The following NBPF8 variants were observed in gnomAD, a reference collection of about 807,000 sequenced individuals.
NBPF8 encodes the protein NBPF member 8.
At chr1:120,459,723 C>A (rs1661521696) in intron 17 of NBPF8, among the ~76,000 whole-genome samples, 193 bp downstream of exon 15, 1 of 152,108 alleles carries the variant, frequency 6.6e-6, no homozygotes, top group African/African-American at 2.4e-5. Flanking sequence ...GTGAGCTTTG[C>A]TCTCTTCCTA....
intron 20 of NBPF8, among the ~76,000 whole-genome samples, chr1:120,462,534 C>T (rs1455009747): frequency 9.0e-6 from 1 of 111,060 alleles, no homozygotes; most frequent in Non-Finnish European, 1.8e-5. Context: ...TCCTTTGACC[C>T]CTTCATCAGT....
chr1:120,417,687 A>C (rs1570921419), upstream of NBPF8, among the ~76,000 whole-genome samples: 1 of 89,268 alleles, frequency 1.1e-5, no homozygotes, highest in Non-Finnish European at 2.2e-5. Context: ...TGCAACCTCC[A>C]CCTCCTGGCT....
chr1:120,466,096 A>G, exon 25 of NBPF8: 1 of 1,611,630 alleles, frequency 6.2e-7, no homozygotes, highest in East Asian at 2.2e-5. Context: ...GCACTACAGA[A>G]GTGTGTTTTA....
intron 2 of NBPF8, among the ~76,000 whole-genome samples, chr1:120,426,833 G>C (rs1660740633): frequency 1.3e-5 from 2 of 151,684 alleles, no homozygotes; most frequent in African/African-American, 4.9e-5. Context: ...CAACTACAGT[G>C]ATTCTAGTTC....
intron 1 of NBPF8, among the ~76,000 whole-genome samples, chr1:120,425,589 C>G (rs201523810): frequency 6.6e-6 from 1 of 152,154 alleles, no homozygotes; most frequent in East Asian, 1.9e-4. Flanking sequence ...ATGGGTCCTC[C>G]GTATGCTGAA....
chr1:120,415,071 G>T (rs1553244860), upstream of NBPF8, among the ~76,000 whole-genome samples: 7 of 152,078 alleles, frequency 4.6e-5, no homozygotes, highest in African/African-American at 1.7e-4. Context: ...CTCAGGCTAT[G>T]GGCTGGGCGG....
chr1:120,421,599 GCT>G (rs1290530828), intron 1 of NBPF8, among the ~76,000 whole-genome samples: 4 of 140,354 alleles, frequency 2.8e-5, no homozygotes, highest in African/African-American at 1.1e-4. Flanking sequence ...TGTCTCTCAT[GCT>G]CTCTCTTTTT....
downstream of NBPF8, among the ~76,000 whole-genome samples, chr1:120,467,970 GTGTC>G (rs1320694889): frequency 1.3e-5 from 2 of 151,888 alleles, no homozygotes; most frequent in Non-Finnish European, 1.5e-5. Flanking sequence ...GTGCGTGTGT[GTGTC>G]TGTGTGTGCC....
intron 17 of NBPF8, 77 bp from the exon 16 acceptor site, chr1:120,460,496 G>A: frequency 4.7e-6 from 4 of 858,230 alleles, no homozygotes; most frequent in East Asian, 4.8e-5. Context: ...CCCTGTGTTA[G>A]GATTGGACAG....
chr1:120,417,019 TG>T (rs1660453343), upstream of NBPF8, among the ~76,000 whole-genome samples: 1 of 124,550 alleles, frequency 8.0e-6, no homozygotes, highest in Non-Finnish European at 1.7e-5. Context: ...GGTTTTCTGT[TG>T]ATTTGTAATA....
At chr1:120,452,727 T>C (rs1271907806) in intron 13 of NBPF8, among the ~76,000 whole-genome samples, 1 of 152,206 alleles carries the variant, frequency 6.6e-6, no homozygotes, top group Non-Finnish European at 1.5e-5. Context: ...CCTTCCTGAG[T>C]TTCTCTCTCT....
At chr1:120,456,571 G>A (rs1365035505) in intron 16 of NBPF8, among the ~76,000 whole-genome samples, 1 of 124,506 alleles carries the variant, frequency 8.0e-6, no homozygotes, top group African/African-American at 3.9e-5. Flanking sequence ...TTTTATCAGA[G>A]ACTAGGATTG....
At chr1:120,460,217 T>C (rs1432912877) in intron 17 of NBPF8, among the ~76,000 whole-genome samples, 1 of 152,164 alleles carries the variant, frequency 6.6e-6, no homozygotes, top group African/African-American at 2.4e-5. Context: ...ACTATCAAAT[T>C]CTGGGTATTT....
At chr1:120,415,471 C>G (rs1182317453), upstream of NBPF8, among the ~76,000 whole-genome samples, 2 of 152,146 alleles carry the variant, frequency 1.3e-5, no homozygotes, top group African/African-American at 4.8e-5. Flanking sequence ...CGCTGCCGCC[C>G]GCAGCCCTCA....
At chr1:120,466,577 G>A in exon 25 of NBPF8, 1 of 278,618 alleles carries the variant, frequency 3.6e-6, no homozygotes, top group Non-Finnish European at 6.9e-6. Context: ...TCATCTTTGT[G>A]TTTAGCTCAT....
At chr1:120,460,533 A>G in intron 17 of NBPF8, 40 bp from the exon 16 acceptor site, 3 of 1,148,002 alleles carry the variant, frequency 2.6e-6, no homozygotes, top group Non-Finnish European at 3.9e-6. Flanking sequence ...GCAAGGAAGA[A>G]CTGCTTAATG....
upstream of NBPF8, chr1:120,433,211 A>G (rs1313041011): frequency 2.0e-5 from 3 of 152,184 alleles, no homozygotes; most frequent in Non-Finnish European, 4.4e-5. Flanking sequence ...AATGTATTTG[A>G]AAATCAAAGA....
At chr1:120,460,931 T>C (rs1182784873) in intron 18 of NBPF8, among the ~76,000 whole-genome samples, 2 of 151,908 alleles carry the variant, frequency 1.3e-5, no homozygotes, top group African/African-American at 2.4e-5. Flanking sequence ...TGATCACTGT[T>C]CACTGTGTGT....
In NBPF8 at chr1:120,452,065, C is replaced by T. The variant is rs1553248904; in HGVS notation, n.2075-52C>T. 9.1e-5 allele frequency: 128 copies of T among 1,407,440 alleles called. 1 individual carries two copies. In the Middle Eastern group the frequency reaches 9.9e-4, roughly 11 times the overall value. The allele number at this position is 1,407,440 out of a possible 1,614,324, so 87.2% of individuals were successfully genotyped here. A position where few individuals can be genotyped will look rare whatever the true frequency, so the allele number is the denominator to read the frequency against. ...AGAAGTCTCTGTTGCAATATTTGAG[C>T]GGATCACTCAACCCTTTCCACTCTT... On this transcript the variant is annotated intron_variant and non_coding_transcript_variant, in intron 12 of 24. Coordinates refer to ENST00000583271, the Ensembl canonical transcript of NBPF8.
Sources: gnomAD v4.1 joint callset for allele counts (sites outside exome capture counted in the v4.1 genomes callset) on GRCh38, gnomAD v4.1.1 for gene constraint, MANE v1.5 for transcripts, NCBI Gene and HGNC (gene_info 2026-07-23, HGNC 2026-07-21) for gene names.